The following SNTG1 variants were observed in gnomAD, a reference collection of about 807,000 sequenced individuals.
The protein encoded by SNTG1 is gamma-1-syntrophin.
Under a neutral mutation model 74.7 loss-of-function variants are expected in SNTG1, and 39 were observed. The ratio of observed to expected loss-of-function variants is 0.52; its 90% CI spans 0.40 to 0.68. SNTG1 has a LOEUF of 0.68. Among genes scored for constraint, SNTG1 ranks in the 30% least tolerant of loss-of-function variants. The pLI is 0.00. For synonymous variants in SNTG1, 254 were observed against 217.1 expected, an observed-to-expected ratio of 1.17 and a Z score of -1.49; for missense variants, 685 against 609.5, an observed-to-expected ratio of 1.12 and a Z score of -1.30.
At chr8:50,359,102 C>A (rs1303074080) in intron 2 of SNTG1, among the ~76,000 whole-genome samples, 1 of 152,136 alleles carries the variant, frequency 6.6e-6, no homozygotes, top group East Asian at 1.9e-4. Flanking sequence ...TCTCCTTGTG[C>A]CTTTGCTGTC....
chr8:49,987,603 G>T (rs1487300975), intron 1 of SNTG1, among the ~76,000 whole-genome samples: 1 of 151,696 alleles, frequency 6.6e-6, no homozygotes, highest in South Asian at 2.1e-4. Flanking sequence ...ATAATATTAG[G>T]TCGGTGCAAA....
At chr8:50,209,178 G>C (rs910888580) in intron 2 of SNTG1, among the ~76,000 whole-genome samples, 2 of 152,108 alleles carry the variant, frequency 1.3e-5, no homozygotes, top group Non-Finnish European at 2.9e-5. Context: ...TGGGGGAGGG[G>C]TGCCCGCCAT....
chr8:50,663,678 C>T (rs2095236653), intron 15 of SNTG1, among the ~76,000 whole-genome samples: 2 of 152,162 alleles, frequency 1.3e-5, no homozygotes, highest in South Asian at 4.1e-4. Context: ...CTCAAGAAAG[C>T]CTCTAATTCT....
At chr8:50,170,700 G>T (rs569695961) in intron 1 of SNTG1, among the ~76,000 whole-genome samples, 2 of 152,182 alleles carry the variant, frequency 1.3e-5, no homozygotes, top group South Asian at 2.1e-4. Flanking sequence ...TGCTACAATT[G>T]TAGTGTCATC....
chr8:50,120,633 T>A (rs1275577537), intron 1 of SNTG1, among the ~76,000 whole-genome samples: 1 of 141,468 alleles, frequency 7.1e-6, no homozygotes, highest in Non-Finnish European at 1.6e-5. Flanking sequence ...TACCATCACC[T>A]CTGTCACTAC....
chr8:50,428,733 T>G (rs2093195700), intron 4 of SNTG1, among the ~76,000 whole-genome samples: 1 of 152,156 alleles, frequency 6.6e-6, no homozygotes, highest in African/African-American at 2.4e-5. Context: ...TCAGAAGTGC[T>G]GTAAATGTGA....
chr8:50,425,948 T>G (rs2093158450), intron 4 of SNTG1, among the ~76,000 whole-genome samples: 1 of 152,178 alleles, frequency 6.6e-6, no homozygotes, highest in Non-Finnish European at 1.5e-5. Context: ...GTGTCTGGCA[T>G]TCTGGAAGTC....
chr8:50,285,899 G>C (rs74468869), intron 2 of SNTG1, among the ~76,000 whole-genome samples: 10,556 of 149,262 alleles, frequency 0.071, 410 homozygotes, highest in African/African-American at 0.087. Flanking sequence ...TCAGTAACTT[G>C]AGTTATGTTG....
intron 1 of SNTG1, among the ~76,000 whole-genome samples, chr8:50,011,315 T>C (rs1277584819): frequency 1.3e-5 from 2 of 152,152 alleles, no homozygotes; most frequent in African/African-American, 4.8e-5. Context: ...TTAAAGATTC[T>C]TGAAGGATGA....
chr8:49,952,892 T>A (rs1809845982), intron 1 of SNTG1, among the ~76,000 whole-genome samples: 1 of 152,148 alleles, frequency 6.6e-6, no homozygotes, highest in Admixed American at 6.5e-5. Context: ...ATTACTGAAA[T>A]GGAAATAACT....
chr8:50,312,378 C>T (rs1205464800), intron 2 of SNTG1, among the ~76,000 whole-genome samples: 1 of 152,082 alleles, frequency 6.6e-6, no homozygotes, highest in Non-Finnish European at 1.5e-5. Flanking sequence ...TAGCTTATTT[C>T]TCCAATAATC....
intron 2 of SNTG1, among the ~76,000 whole-genome samples, chr8:50,212,248 G>T (rs561129431): frequency 6.6e-6 from 1 of 152,114 alleles, no homozygotes; most frequent in South Asian, 2.1e-4. Flanking sequence ...TGGGCAACAC[G>T]TTTCTTTCCT....
At chr8:50,408,780 C>T (rs1476210397) in intron 4 of SNTG1, among the ~76,000 whole-genome samples, 1 of 152,130 alleles carries the variant, frequency 6.6e-6, no homozygotes, top group Non-Finnish European at 1.5e-5. Flanking sequence ...AATTCCTGGA[C>T]ATATTGTAGG....
intron 1 of SNTG1, among the ~76,000 whole-genome samples, chr8:49,916,013 A>G (rs879479513): frequency 2.0e-5 from 3 of 152,194 alleles, no homozygotes; most frequent in Non-Finnish European, 4.4e-5. Context: ...TTTGGTCTGT[A>G]TAGATTTCTA....
intron 1 of SNTG1, among the ~76,000 whole-genome samples, chr8:49,943,939 G>T (rs1018182068): frequency 1.3e-5 from 2 of 152,040 alleles, no homozygotes; most frequent in Non-Finnish European, 2.9e-5. Context: ...AAATATTAAA[G>T]CAGGAAAATT....
chr8:50,298,349 A>G lies in SNTG1; in HGVS notation c.-27-95863A>G, dbSNP rs535486070. ...CTTCTGGAGAGTATATTTATATTCC[A>G]ATGGGGTGGAGTTAGGGCTCAGATT... On this transcript the variant is annotated intron_variant, in intron 2 of 18. Transcript: ENST00000642720. Among the ~76,000 whole-genome samples, 556 of 152,222 alleles carry G rather than the reference A, an allele frequency of 3.7e-3. 6 individuals carry two copies. Among genetic ancestry groups the G allele is most frequent in the African/African-American group, 0.012 (505 of 41,554 alleles).
chr8:50,567,883 T>C (rs192028465), intron 12 of SNTG1, among the ~76,000 whole-genome samples: 61 of 152,252 alleles, frequency 4.0e-4, no homozygotes, highest in African/African-American at 1.3e-3. Flanking sequence ...TTTAGCTACA[T>C]TGAGATACAC....
chr8:50,325,961 C>CT (rs60655653), intron 2 of SNTG1, among the ~76,000 whole-genome samples: 5 of 151,718 alleles, frequency 3.3e-5, no homozygotes, highest in African/African-American at 7.2e-5. Flanking sequence ...TTTTATCATA[C>CT]TTTTTTTTGT....
At chr8:50,417,646 G>C (rs2093031067) in intron 4 of SNTG1, among the ~76,000 whole-genome samples, 1 of 152,016 alleles carries the variant, frequency 6.6e-6, no homozygotes, top group Non-Finnish European at 1.5e-5. Flanking sequence ...TGCTCCCTTA[G>C]ATGACAATGT....
Sources: gnomAD v4.1 joint callset for allele counts (sites outside exome capture counted in the v4.1 genomes callset) on GRCh38, gnomAD v4.1.1 for gene constraint, MANE v1.5 for transcripts, NCBI Gene and HGNC (gene_info 2026-07-23, HGNC 2026-07-21) for gene names.